BCAT1: variants seen among roughly 807,000 people sequenced by gnomAD.
BCAT1 encodes the protein branched-chain-amino-acid aminotransferase, cytosolic.
BCAT1 carries 48 observed loss-of-function variants against 52.4 expected under a neutral mutation model. The ratio of observed to expected loss-of-function variants is 0.92; its 90% CI spans 0.73 to 1.16. The LOEUF (loss-of-function observed/expected upper bound fraction) is 1.16. Among genes scored for constraint, BCAT1 ranks in the 50% most tolerant of loss-of-function variants. The pLI is 0.00. For synonymous variants in BCAT1, 167 were observed against 161.3 expected, an observed-to-expected ratio of 1.04 and a Z score of -0.27; for missense variants, 451 against 457.1, an observed-to-expected ratio of 0.99 and a Z score of 0.12.
At chr12:24,934,440 C>T (rs55887037) in intron 1 of BCAT1, among the ~76,000 whole-genome samples, 23,423 of 152,198 alleles carry the variant, frequency 0.15, 2,323 homozygotes, top group Non-Finnish European at 0.22. Context: ...AGCCTCAAGA[C>T]CTTGAGCAGT....
intron 1 of BCAT1, chr12:24,903,129 G>T: frequency 3.0e-6 from 4 of 1,319,922 alleles, no homozygotes; most frequent in Non-Finnish European, 3.9e-6. Context: ...CCGCGCGCCA[G>T]GGCCAGGCGC....
chr12:24,949,312 C>A, upstream of BCAT1: 2 of 290,064 alleles, frequency 6.9e-6, no homozygotes, highest in South Asian at 7.0e-5. Context: ...CACGGTTACC[C>A]CCGAATCAGC....
intron 1 of BCAT1, among the ~76,000 whole-genome samples, chr12:24,927,738 G>A (rs1032369555): frequency 3.3e-5 from 5 of 152,210 alleles, no homozygotes; most frequent in South Asian, 2.1e-4. Flanking sequence ...GAGAATCCAG[G>A]TGTTTCCAAA....
At chr12:24,876,105 CA>C (rs938125005) in intron 5 of BCAT1, among the ~76,000 whole-genome samples, 1 of 150,104 alleles carries the variant, frequency 6.7e-6, no homozygotes, top group Non-Finnish European at 1.5e-5. Flanking sequence ...GTACTAAAAG[CA>C]AAAAAACAGA....
At chr12:24,853,620 G>T (rs1332801201) in intron 5 of BCAT1, among the ~76,000 whole-genome samples, 4 of 152,034 alleles carry the variant, frequency 2.6e-5, no homozygotes, top group Non-Finnish European at 5.9e-5. Context: ...ATTAAAAAAA[G>T]TCAATTAACT....
chr12:24,912,318 T>A (rs1259771636), intron 1 of BCAT1, among the ~76,000 whole-genome samples: 1 of 151,888 alleles, frequency 6.6e-6, no homozygotes, highest in African/African-American at 2.4e-5. Context: ...ATTGAGACCA[T>A]CCTGTCTAAC....
At position 24,909,129 on chromosome 12, in the gene BCAT1, C is replaced by T. The variant is rs770061933; in HGVS notation, c.7-7244G>A. ...TGATTAGGATATTATGTGAGAGAAA[C>T]CTTAAAAATATACATCTAGTGTTTC... On this transcript the variant is annotated intron_variant, in intron 1 of 10. Transcript: ENST00000261192. Among the ~76,000 whole-genome samples the T allele has an allele frequency of 7.8e-4, 119 of 151,940 alleles. 1 individual carries two copies. Among genetic ancestry groups the T allele is most frequent in the Middle Eastern group, 3.4e-3 (1 of 294 alleles).
intron 1 of BCAT1, among the ~76,000 whole-genome samples, chr12:24,941,738 T>C (rs1021187138): frequency 2.0e-5 from 3 of 152,210 alleles, no homozygotes; most frequent in Non-Finnish European, 4.4e-5. Flanking sequence ...GTATCTTATT[T>C]CCTGACTTCA....
chr12:24,835,551 TTTTATTTATTTATTTATTTA>T (rs67156404), intron 8 of BCAT1, among the ~76,000 whole-genome samples: 3 of 146,568 alleles, frequency 2.0e-5, no homozygotes, highest in Admixed American at 6.8e-5. Flanking sequence ...TTAAATTTTA[TTTTATTTATTTATTTATTTA>T]TTTATTTATT....
At position 24,817,680 on chromosome 12, in the gene BCAT1, T is replaced by C. The variant is rs934533684; in HGVS notation, c.*328A>G. On this transcript the variant is annotated 3_prime_UTR_variant, in exon 11 of 11. Coordinates refer to ENST00000261192, the MANE Select transcript of BCAT1 (RefSeq NM_005504.7). ...TTGAGGAGCAGAATGTAACTTATAT[T>C]AAAGAATAAACTACTATTTAGTATC... 1.3e-5 allele frequency: 3 copies of C among 224,978 alleles called. No homozygotes were observed. The highest frequency in any genetic ancestry group is 9.3e-5 in the East Asian group (1 of 10,806). 13.9% of individuals were successfully genotyped at this position (224,978 alleles called of 1,614,324 possible). A position where few individuals can be genotyped will look rare whatever the true frequency, so the allele number is the denominator to read the frequency against.
chr12:24,907,295 G>A (rs1414696877), intron 1 of BCAT1, among the ~76,000 whole-genome samples: 1 of 152,158 alleles, frequency 6.6e-6, no homozygotes, highest in East Asian at 1.9e-4. Flanking sequence ...TTCCTCTGCT[G>A]TTTATTTACA....
intron 4 of BCAT1, 64 bp downstream of exon 4, chr12:24,881,237 G>T: frequency 1.8e-6 from 2 of 1,113,932 alleles, no homozygotes; most frequent in African/African-American, 1.6e-5. Flanking sequence ...TTATTTATTT[G>T]GTGGTCAACA....
intron 1 of BCAT1, among the ~76,000 whole-genome samples, chr12:24,924,290 A>G (rs974775811): frequency 9.2e-5 from 14 of 152,274 alleles, no homozygotes; most frequent in African/African-American, 3.4e-4. Context: ...CTCAATGCCA[A>G]GAATGATATA....
Position 24,891,755 on chromosome 12 carries a change from T to G in BCAT1, c.279+2520A>C, listed in dbSNP as rs1459132622. ...AAATAGATGGCCAAAGAGGTTTTTGTTTTTTTTTTTTGAGATGGAGTCTTG... is the reference window on the plus strand; with the variant it reads ...AAATAGATGGCCAAAGAGGTTTTTGGTTTTTTTTTTTGAGATGGAGTCTTG... On this transcript the variant is annotated intron_variant, in intron 3 of 10. Transcript: ENST00000261192. Among the ~76,000 whole-genome samples the G allele has an allele frequency of 5.2e-5, 7 of 135,250 alleles. No homozygotes were observed. The South Asian group carries it at 6.8e-4, about 13-fold the overall frequency. 88.7% of individuals were successfully genotyped at this position (135,250 alleles called of 152,430 possible). A position where few individuals can be genotyped will look rare whatever the true frequency, so the allele number is the denominator to read the frequency against.
chr12:24,836,412 G>A (rs1940924594), intron 8 of BCAT1, 99 bp downstream of exon 8: 1 of 998,820 alleles, frequency 1.0e-6, no homozygotes, highest in African/African-American at 1.6e-5. Flanking sequence ...AGATAACATT[G>A]GTTGGAACCA....
chr12:24,915,756 T>A (rs555847755), intron 1 of BCAT1, among the ~76,000 whole-genome samples: 19 of 152,334 alleles, frequency 1.2e-4, no homozygotes, highest in African/African-American at 3.8e-4. Flanking sequence ...AAACAAACAT[T>A]GTGGCATAAA....
chr12:24,852,974 T>C (rs1474210225), intron 5 of BCAT1, among the ~76,000 whole-genome samples: 1 of 152,218 alleles, frequency 6.6e-6, no homozygotes, highest in Admixed American at 6.5e-5. Context: ...GATCTAACAC[T>C]AGGCAGAAAG....
At chr12:24,915,764 A>G (rs1943396738) in intron 1 of BCAT1, among the ~76,000 whole-genome samples, 1 of 152,268 alleles carries the variant, frequency 6.6e-6, no homozygotes, top group African/African-American at 2.4e-5. Context: ...ATTGTGGCAT[A>G]AAACAGACGA....
At chr12:24,858,117 T>G (rs945131824) in intron 5 of BCAT1, among the ~76,000 whole-genome samples, 1 of 152,190 alleles carries the variant, frequency 6.6e-6, no homozygotes, top group African/African-American at 2.4e-5. Flanking sequence ...ACTGCATGTT[T>G]TCCCGGCTCT....
Sources: gnomAD v4.1 joint callset for allele counts (sites outside exome capture counted in the v4.1 genomes callset) on GRCh38, gnomAD v4.1.1 for gene constraint, MANE v1.5 for transcripts, NCBI Gene and HGNC (gene_info 2026-07-23, HGNC 2026-07-21) for gene names.